BCL2L14: variants seen among roughly 807,000 people sequenced by gnomAD.
BCL2L14 encodes BCL2 like 14, also known as apoptosis facilitator Bcl-2-like protein 14.
Under a neutral mutation model 35.3 loss-of-function variants are expected in BCL2L14, and 27 were observed. That is an observed-to-expected ratio of 0.76 (90% CI 0.56 to 1.05). The LOEUF (loss-of-function observed/expected upper bound fraction) is 1.05, where lower values mean the gene tolerates loss of function less well. Among genes scored for constraint, BCL2L14 ranks in the 50% least tolerant of loss-of-function variants. BCL2L14 has a pLI of 0.00. For synonymous variants in BCL2L14, 139 were observed against 145.9 expected (o/e 0.95, Z 0.34); for missense variants, 377 against 382.6 (o/e 0.99, Z 0.12).
intron 1 of BCL2L14, among the ~76,000 whole-genome samples, chr12:12,050,432 C>CAAAAAAAAAA (rs774928633): frequency 1.4e-5 from 1 of 70,046 alleles, no homozygotes; most frequent in African/African-American, 4.4e-5. Flanking sequence ...GACACCATCT[C>CAAAAAAAAAA]AAAAAAAAAA....
chr12:12,093,377 A>T (rs1262304801), intron 4 of BCL2L14, among the ~76,000 whole-genome samples: 1 of 152,216 alleles, frequency 6.6e-6, no homozygotes, highest in Non-Finnish European at 1.5e-5. Context: ...TCACACTTGT[A>T]ATCCCAGCTC....
intron 2 of BCL2L14, among the ~76,000 whole-genome samples, chr12:12,056,632 G>C (rs928001067): frequency 4.6e-5 from 7 of 152,150 alleles, no homozygotes; most frequent in Admixed American, 3.9e-4. Context: ...TCAGGAGTTC[G>C]AGACCAGCCT....
chr12:12,068,214 G>T, upstream of BCL2L14: 1 of 398,476 alleles, frequency 2.5e-6, no homozygotes, highest in South Asian at 1.3e-4. Flanking sequence ...CAAAGCGCTG[G>T]GATTGCAGGT....
chr12:12,085,161 T>C (rs1402058880), intron 2 of BCL2L14, among the ~76,000 whole-genome samples: 1 of 151,994 alleles, frequency 6.6e-6, no homozygotes, highest in Non-Finnish European at 1.5e-5. Flanking sequence ...GTTGGTGATC[T>C]TGTGGCCACC....
At chr12:12,098,218 G>C (rs1641729) in intron 5 of BCL2L14, among the ~76,000 whole-genome samples, 1 of 152,006 alleles carries the variant, frequency 6.6e-6, no homozygotes, top group Non-Finnish European at 1.5e-5. Context: ...CAAGTGTCTC[G>C]ATGGCTCTCT....
At chr12:12,050,505 TAAG>T (rs1948335889) in intron 1 of BCL2L14, among the ~76,000 whole-genome samples, 1 of 148,550 alleles carries the variant, frequency 6.7e-6, no homozygotes, top group African/African-American at 2.5e-5. Context: ...AACCAGATCC[TAAG>T]AGCAAAATGC....
upstream of BCL2L14, among the ~76,000 whole-genome samples, chr12:12,069,516 G>A (rs1380941050): frequency 4.0e-5 from 6 of 151,594 alleles, no homozygotes; most frequent in African/African-American, 1.5e-4. Flanking sequence ...TGGCTAACAC[G>A]GTGAAACCCC....
At chr12:12,098,092 C>G (rs1320906183) in intron 5 of BCL2L14, among the ~76,000 whole-genome samples, 3 of 152,076 alleles carry the variant, frequency 2.0e-5, no homozygotes, top group Non-Finnish European at 4.4e-5. Flanking sequence ...TATTTATGAG[C>G]TGATATGAGC....
intron 2 of BCL2L14, among the ~76,000 whole-genome samples, chr12:12,065,578 A>G (rs1948584721): frequency 6.6e-6 from 1 of 151,766 alleles, no homozygotes; most frequent in East Asian, 1.9e-4. Flanking sequence ...ACAAAGGGAA[A>G]GAGCTTTAGG....
intron 5 of BCL2L14, 150 bp from the exon 6 acceptor site, chr12:12,098,800 T>A (rs1279396457): frequency 1.5e-6 from 1 of 684,790 alleles, no homozygotes; most frequent in Non-Finnish European, 2.7e-6. Flanking sequence ...ATACCAAGAA[T>A]GCCAGTCACC....
chr12:12,095,337 C>A, intron 5 of BCL2L14: 1 of 985,400 alleles, frequency 1.0e-6, no homozygotes, highest in Non-Finnish European at 1.2e-6. Context: ...GGAGACTAAG[C>A]CTCATGCAGA....
chr12:12,055,240 T>C (rs979553817), intron 2 of BCL2L14: 7 of 152,148 alleles, frequency 4.6e-5, no homozygotes, highest in Non-Finnish European at 1.0e-4. Context: ...ATCTGAAAAG[T>C]TTTGTAATTA....
intron 1 of BCL2L14, among the ~76,000 whole-genome samples, chr12:12,076,143 TGCCCGGAAAA>T: frequency 1.1e-5 from 1 of 89,856 alleles, no homozygotes; most frequent in African/African-American, 4.6e-5. Context: ...GAGGGTGGGA[TGCCCGGAAAA>T]TGCATGGGGG....
intron 2 of BCL2L14, among the ~76,000 whole-genome samples, chr12:12,061,560 C>G (rs2136715982): frequency 6.6e-6 from 1 of 152,102 alleles, no homozygotes; most frequent in East Asian, 1.9e-4. Context: ...GCCTATCCAC[C>G]CCGTGGTGCC....
At chr12:12,058,438 C>T (rs1009640818) in intron 2 of BCL2L14, among the ~76,000 whole-genome samples, 7 of 151,284 alleles carry the variant, frequency 4.6e-5, no homozygotes, top group African/African-American at 1.7e-4. Context: ...TTAGTAGAGA[C>T]GGGGTTTCAG....
intron 5 of BCL2L14, among the ~76,000 whole-genome samples, chr12:12,097,513 G>A (rs983715753): frequency 9.9e-5 from 15 of 152,216 alleles, no homozygotes; most frequent in African/African-American, 3.6e-4. Flanking sequence ...AAGTAGACTC[G>A]TTGCTAGGAG....
chr12:12,075,169 C>T (rs1213343576), intron 1 of BCL2L14, among the ~76,000 whole-genome samples: 2 of 151,908 alleles, frequency 1.3e-5, no homozygotes, highest in Non-Finnish European at 2.9e-5. Flanking sequence ...GTCACCCAGG[C>T]TGGAGTGCAA....
At chr12:12,074,609 T>A (rs1293894544) in intron 1 of BCL2L14, among the ~76,000 whole-genome samples, 2 of 152,032 alleles carry the variant, frequency 1.3e-5, no homozygotes, top group Non-Finnish European at 2.9e-5. Flanking sequence ...TGGCTAATTT[T>A]TGTATTTTTA....
chr12:12,073,192 C>T (rs1169554783), intron 1 of BCL2L14, among the ~76,000 whole-genome samples: 1 of 152,172 alleles, frequency 6.6e-6, no homozygotes, highest in Non-Finnish European at 1.5e-5. Flanking sequence ...TTGTTAAATA[C>T]ATTAAAACCC....
Sources: allele counts gnomAD v4.1 joint callset (sites outside exome capture counted in the v4.1 genomes callset), GRCh38; gene constraint gnomAD v4.1.1; transcripts MANE v1.5; gene names NCBI Gene and HGNC (gene_info 2026-07-23, HGNC 2026-07-21).